INSYN1: variants seen among roughly 807,000 people sequenced by gnomAD.
The protein encoded by INSYN1 is UPF0583 protein C15orf59.
INSYN1 carries 7 observed loss-of-function variants against 17.1 expected under a neutral mutation model. The observed-to-expected ratio is 0.41, with a 90% CI of 0.23 to 0.77. The LOEUF is 0.77. Ranked by LOEUF, INSYN1 falls within the 30% of genes least tolerant of loss-of-function variation. The probability of loss-of-function intolerance (pLI) is 0.32; values close to 1 mark genes in which losing one functional copy is unlikely to be tolerated. For synonymous variants in INSYN1, 174 were observed against 166.3 expected (o/e 1.05, Z -0.36); for missense variants, 339 against 400.6 (o/e 0.85, Z 1.31).
At position 73,752,713 on chromosome 15, in the gene INSYN1, G is replaced by A. The variant is rs1031744366; in HGVS notation, c.-1171C>T. 1.3e-5 allele frequency: 2 copies of A among 151,974 alleles called. No individual in the cohort carries two copies. The highest frequency in any genetic ancestry group is 2.4e-5 in the African/African-American group (1 of 41,404). The allele number at this position is 151,974 out of a possible 1,614,324, so 9.4% of individuals were successfully genotyped here. A position where few individuals can be genotyped will look rare whatever the true frequency, so the allele number is the denominator to read the frequency against. On this transcript the variant is annotated 5_prime_UTR_variant, in exon 1 of 3. Coordinates refer to ENST00000569673, the MANE Select transcript of INSYN1 (RefSeq NM_001039614.3). The surrounding 1 kb of genome is among the most constrained non-coding windows in gnomAD (Gnocchi z 5.2). ...GCGAGGGTCTGCTCAGCCCAGCCCC[G>A]CGGTCGGCCCTGGGCGAGACCGCTC...
chr15:73,751,216 G>A lies in INSYN1; in HGVS notation c.-86C>T, dbSNP rs1425137081. 6.0e-6 allele frequency: 9 copies of A among 1,511,180 alleles called. No homozygotes were observed. The highest frequency in any genetic ancestry group is 8.1e-6 in the Non-Finnish European group (9 of 1,116,688). 93.6% of individuals were successfully genotyped at this position (1,511,180 alleles called of 1,614,324 possible). ...GCCTCCACGGAGCCCCCCTCGGCTG[G>A]GCAGAGCTCCACATTTTAACGGCCC... is the stretch of plus-strand genomic sequence containing the variant. On this transcript the variant is annotated 5_prime_UTR_variant, in exon 2 of 3. Coordinates refer to ENST00000569673, the MANE Select transcript of INSYN1 (RefSeq NM_001039614.3).
At position 73,751,677 on chromosome 15, in the gene INSYN1, G is replaced by A. The variant is rs987869359; in HGVS notation, c.-547C>T. On this transcript the variant is annotated 5_prime_UTR_variant, in exon 2 of 3. Coordinates refer to ENST00000569673, the MANE Select transcript of INSYN1 (RefSeq NM_001039614.3). ...TATGGGCAGCTCTGGGGAGGGAGCT[G>A]GATTGGAAGAGGGCAGCCCCCTGCG... is the stretch of plus-strand genomic sequence containing the variant. 37 of 158,260 alleles carry A rather than the reference G, an allele frequency of 2.3e-4. No homozygotes were observed. Among genetic ancestry groups the A allele is most frequent in the Middle Eastern group, 3.3e-3 (1 of 302 alleles). The allele number at this position is 158,260 out of a possible 1,614,324, so 9.8% of individuals were successfully genotyped here.
chr15:73,742,997 C>G (rs1901727419), intron 2 of INSYN1, among the ~76,000 whole-genome samples: 1 of 152,200 alleles, frequency 6.6e-6, no homozygotes, highest in Non-Finnish European at 1.5e-5. Flanking sequence ...GGGTGAAGAC[C>G]AGCAATTCAA....
At position 73,751,318 on chromosome 15, in the gene INSYN1, GAGAGTGGGACACCCAGAGGGAGAC is replaced by G. The variant is rs1449051436; in HGVS notation, c.-212_-189del. 58 of 622,972 alleles carry G rather than the reference GAGAGTGGGACACCCAGAGGGAGAC, an allele frequency of 9.3e-5. No individual in the cohort carries two copies. Among genetic ancestry groups the G allele is most frequent in the Admixed American group, 2.0e-4 (7 of 35,082 alleles). 38.6% of individuals were successfully genotyped at this position (622,972 alleles called of 1,614,324 possible). A position where few individuals can be genotyped will look rare whatever the true frequency, so the allele number is the denominator to read the frequency against. On this transcript the variant is annotated 5_prime_UTR_variant, in exon 2 of 3. Transcript: ENST00000569673. Reference sequence around the variant, plus strand: ...ACCCAGCCTCCTCTGCCTCTGGGTGGAGAGTGGGACACCCAGAGGGAGACAGAGTCTAGCAGAGGGGGTCAAGGT... The same window carrying G: ...ACCCAGCCTCCTCTGCCTCTGGGTGGAGAGTCTAGCAGAGGGGGTCAAGGT...
chr15:73,745,825 C>CAAAACAAAACAAAAT (rs1555422882), intron 2 of INSYN1, among the ~76,000 whole-genome samples: 1 of 152,038 alleles, frequency 6.6e-6, no homozygotes, highest in Non-Finnish European at 1.5e-5. Flanking sequence ...CAAAACAAAA[C>CAAAACAAAACAAAAT]AAAACAAAAC....
At chr15:73,740,686 C>T in intron 2 of INSYN1, 44 bp from the exon 3 acceptor site, 2 of 1,502,726 alleles carry the variant, frequency 1.3e-6, no homozygotes, top group Non-Finnish European at 1.8e-6. Flanking sequence ...CCAGGTGGGT[C>T]CCTGCATCAG....
chr15:73,748,311 G>C (rs1901890942), intron 2 of INSYN1, among the ~76,000 whole-genome samples: 1 of 152,146 alleles, frequency 6.6e-6, no homozygotes, highest in African/African-American at 2.4e-5. Context: ...AGGCAGAGGA[G>C]GAAGATGGCT....
At chr15:73,749,079 G>T (rs1901910714) in intron 2 of INSYN1, among the ~76,000 whole-genome samples, 1 of 152,198 alleles carries the variant, frequency 6.6e-6, no homozygotes, top group African/African-American at 2.4e-5. Context: ...GGGAGTGGGT[G>T]AGTGTGAAAG....
chr15:73,751,114 G>C lies in INSYN1; in HGVS notation c.17C>G (p.Ala6Gly). 6.2e-7 allele frequency: 1 copy of C among 1,613,818 alleles called. No individual in the cohort carries two copies. The highest frequency in any genetic ancestry group is 8.5e-7 in the Non-Finnish European group (1 of 1,180,014). MNIRG[A>G]PDLGQPSDDP... ...GTCACTGGGCTGCCCGAGGTCCGGG[G>C]CGCCCCGAATGTTCATCGTTTACCA... The change falls in exon 2 of 3, where the codon GCC becomes GGC. Residue 6 changes from alanine to glycine, a missense_variant. Physicochemically the swap from Ala to Gly is moderately conservative, Grantham distance 60. Transcript: ENST00000569673.
intron 2 of INSYN1, among the ~76,000 whole-genome samples, chr15:73,746,352 A>G (rs980032386): frequency 5.3e-5 from 8 of 152,210 alleles, no homozygotes; most frequent in Middle Eastern, 3.4e-3. Flanking sequence ...CAAAAATAAT[A>G]AGAAAAAAAT....
chr15:73,749,315 C>T (rs893417879), intron 2 of INSYN1, among the ~76,000 whole-genome samples: 6 of 152,144 alleles, frequency 3.9e-5, no homozygotes, highest in Admixed American at 1.3e-4. Flanking sequence ...CTCTCTGGGC[C>T]TCAGTTTCTT....
chr15:73,748,681 G>C (rs187223484), intron 2 of INSYN1, among the ~76,000 whole-genome samples: 1 of 152,164 alleles, frequency 6.6e-6, no homozygotes, highest in Non-Finnish European at 1.5e-5. Context: ...TCTCCAAACC[G>C]GGGTCTGGCA....
chr15:73,747,578 G>A (rs1901868130), intron 2 of INSYN1, among the ~76,000 whole-genome samples: 1 of 152,194 alleles, frequency 6.6e-6, no homozygotes. Context: ...AGGGGAGGAT[G>A]CCTAAAATGT....
In INSYN1 at chr15:73,740,758, AGG is replaced by A; in HGVS notation, c.157-118_157-117del. On this transcript the variant is annotated intron_variant, in intron 2 of 2. Coordinates refer to ENST00000569673, the MANE Select transcript of INSYN1 (RefSeq NM_001039614.3). ...CCCCTGGCTGATGAGCGTACTGGACAGGGGAGAGCCTGTAGGATGGTGACTGG... is the reference window on the plus strand; with the variant it reads ...CCCCTGGCTGATGAGCGTACTGGACAGGAGAGCCTGTAGGATGGTGACTGG... 3.5e-6 allele frequency: 3 copies of A among 865,222 alleles called. No individual in the cohort carries two copies. In the South Asian group the frequency reaches 4.9e-5, roughly 14 times the overall value. 53.6% of individuals were successfully genotyped at this position (865,222 alleles called of 1,614,324 possible). A position where few individuals can be genotyped will look rare whatever the true frequency, so the allele number is the denominator to read the frequency against.
At chr15:73,750,774 G>GC (rs1901955409) in intron 2 of INSYN1, among the ~76,000 whole-genome samples, 1 of 152,192 alleles carries the variant, frequency 6.6e-6, no homozygotes, top group African/African-American at 2.4e-5. Context: ...CAACACCGAG[G>GC]CCCCTCCAGC....
intron 2 of INSYN1, among the ~76,000 whole-genome samples, chr15:73,744,142 C>T (rs1453734422): frequency 2.6e-5 from 4 of 152,142 alleles, no homozygotes; most frequent in Non-Finnish European, 4.4e-5. Context: ...TACAATGCAC[C>T]GTTGGGGGCT....
At chr15:73,740,692 A>T in intron 2 of INSYN1, 50 bp from the exon 3 acceptor site, 1 of 1,485,940 alleles carries the variant, frequency 6.7e-7, no homozygotes, top group Non-Finnish European at 9.2e-7. Context: ...GGGTCCCTGC[A>T]TCAGCCAGGT....
chr15:73,749,689 T>G (rs918078650), intron 2 of INSYN1, among the ~76,000 whole-genome samples: 8 of 152,222 alleles, frequency 5.3e-5, no homozygotes, highest in Non-Finnish European at 1.5e-5. Context: ...TCCAAAGATG[T>G]GCAACCCAGA....
chr15:73,751,439 G>C lies in INSYN1; in HGVS notation c.-309C>G. 2.4e-6 allele frequency: 1 copy of C among 413,858 alleles called. No individual in the cohort carries two copies. The highest frequency in any genetic ancestry group is 2.5e-5 in the South Asian group (1 of 39,520). 25.6% of individuals were successfully genotyped at this position (413,858 alleles called of 1,614,324 possible). ...CCTCCAGGTCTTGAAGTGCCTGTGGGTGTGCAGAGCTGATCTCTGCCTGAG... is the reference window on the plus strand; with the variant it reads ...CCTCCAGGTCTTGAAGTGCCTGTGGCTGTGCAGAGCTGATCTCTGCCTGAG... On this transcript the variant is annotated 5_prime_UTR_variant, in exon 2 of 3. Transcript: ENST00000569673.
Sources: gnomAD v4.1 joint callset for allele counts (sites outside exome capture counted in the v4.1 genomes callset) on GRCh38, gnomAD v4.1.1 for gene constraint, Gnocchi (gnomAD v3.1) non-coding constraint, MANE v1.5 for transcripts, NCBI Gene and HGNC (gene_info 2026-07-23, HGNC 2026-07-21) for gene names.